The following MGAT4C variants were observed in gnomAD, a reference collection of about 807,000 sequenced individuals.
MGAT4C encodes MGAT4 family member C, also known as alpha-1,3-mannosyl-glycoprotein 4-beta-N-acetylglucosaminyltransferase C.
A neutral mutation model predicts 40.1 loss-of-function variants in MGAT4C; 19 were observed. That is an observed-to-expected ratio of 0.47 (90% confidence interval 0.33 to 0.70). MGAT4C has a LOEUF of 0.70. Ranked by LOEUF, MGAT4C falls within the 30% of genes least tolerant of loss-of-function variation. The probability of loss-of-function intolerance (pLI) is 0.02; values close to 1 mark genes in which losing one functional copy is unlikely to be tolerated. For synonymous variants in MGAT4C, 181 were observed against 187.1 expected (o/e 0.97, Z 0.27); for missense variants, 491 against 563.2 (o/e 0.87, Z 1.30).
At chr12:86,243,207 T>C (rs1951860418) in intron 1 of MGAT4C, among the ~76,000 whole-genome samples, 1 of 152,210 alleles carries the variant, frequency 6.6e-6, no homozygotes, top group Non-Finnish European at 1.5e-5. Flanking sequence ...TCAATTTTTC[T>C]TGGTTACTGA....
intron 2 of MGAT4C, among the ~76,000 whole-genome samples, chr12:86,668,671 G>A (rs1335933455): frequency 6.6e-6 from 1 of 152,186 alleles, no homozygotes; most frequent in Non-Finnish European, 1.5e-5. Context: ...AGCAGGATAG[G>A]GGCCTCCACA....
chr12:86,760,990 G>A (rs954512983), intron 1 of MGAT4C, among the ~76,000 whole-genome samples: 4 of 152,116 alleles, frequency 2.6e-5, no homozygotes, highest in Non-Finnish European at 5.9e-5. Context: ...GAGGTGATGG[G>A]TATGTTCACT....
intron 4 of MGAT4C, among the ~76,000 whole-genome samples, chr12:86,263,487 G>A (rs1436325456): frequency 6.6e-6 from 1 of 152,112 alleles, no homozygotes; most frequent in Non-Finnish European, 1.5e-5. Flanking sequence ...TTTTGTCCAT[G>A]TTGCTGCAAA....
intron 2 of MGAT4C, among the ~76,000 whole-genome samples, chr12:86,542,711 A>C (rs375555557): frequency 6.6e-6 from 1 of 152,210 alleles, no homozygotes; most frequent in East Asian, 1.9e-4. Context: ...TTAATGGATT[A>C]ATGACAAAGT....
chr12:86,686,463 GC>G (rs1950073703), intron 2 of MGAT4C, among the ~76,000 whole-genome samples: 1 of 152,098 alleles, frequency 6.6e-6, no homozygotes. Context: ...TATGATATTT[GC>G]TCTGGGTTTG....
At chr12:86,414,064 GC>G (rs1305997496) in intron 3 of MGAT4C, among the ~76,000 whole-genome samples, 2 of 151,902 alleles carry the variant, frequency 1.3e-5, no homozygotes, top group Non-Finnish European at 2.9e-5. Flanking sequence ...AATGCTTACA[GC>G]AAGTTTTTTT....
intron 2 of MGAT4C, among the ~76,000 whole-genome samples, chr12:86,638,278 T>C (rs891858215): frequency 6.6e-6 from 1 of 151,898 alleles, no homozygotes; most frequent in Non-Finnish European, 1.5e-5. Context: ...AGGAGCTTTG[T>C]TGAGCAGGCA....
At chr12:86,026,726 GTGTT>G (rs1481390897) in intron 2 of MGAT4C, among the ~76,000 whole-genome samples, 1 of 151,878 alleles carries the variant, frequency 6.6e-6, no homozygotes, top group Non-Finnish European at 1.5e-5. Flanking sequence ...AAGTAGTTCA[GTGTT>G]TATTTTCTGC....
At chr12:86,163,574 A>G (rs539320556) in intron 1 of MGAT4C, among the ~76,000 whole-genome samples, 1 of 152,326 alleles carries the variant, frequency 6.6e-6, no homozygotes, top group African/African-American at 2.4e-5. Context: ...TGACTAGAAC[A>G]TAACAGATTT....
At chr12:86,555,840 C>T (rs935535324) in intron 2 of MGAT4C, among the ~76,000 whole-genome samples, 5 of 152,138 alleles carry the variant, frequency 3.3e-5, no homozygotes, top group Admixed American at 6.5e-5. Flanking sequence ...ATGATGGCCC[C>T]CTGGACCTGC....
intron 1 of MGAT4C, among the ~76,000 whole-genome samples, chr12:86,228,286 A>T (rs967317380): frequency 6.6e-6 from 1 of 152,020 alleles, no homozygotes; most frequent in Non-Finnish European, 1.5e-5. Flanking sequence ...AAAGGGAATC[A>T]GTATTCCTCA....
chr12:86,269,762 A>G (rs375386886), intron 4 of MGAT4C, among the ~76,000 whole-genome samples: 1 of 152,124 alleles, frequency 6.6e-6, no homozygotes, highest in Non-Finnish European at 1.5e-5. Context: ...AGACTATATT[A>G]ATGGAGGAAA....
chr12:86,587,056 G>A (rs1361907122), intron 2 of MGAT4C, among the ~76,000 whole-genome samples: 2 of 152,008 alleles, frequency 1.3e-5, no homozygotes, highest in Admixed American at 6.6e-5. Context: ...GTATTGCCTA[G>A]GTTTTCTTTT....
intron 2 of MGAT4C, among the ~76,000 whole-genome samples, chr12:86,701,868 T>A (rs1238973687): frequency 2.0e-5 from 3 of 152,054 alleles, no homozygotes; most frequent in African/African-American, 4.8e-5. Context: ...ATGAAGAAAG[T>A]TTTAGTGGTC....
At chr12:86,768,188 T>A (rs1361006281) in intron 1 of MGAT4C, among the ~76,000 whole-genome samples, 1 of 152,138 alleles carries the variant, frequency 6.6e-6, no homozygotes, top group Non-Finnish European at 1.5e-5. Flanking sequence ...ACAAAATCAA[T>A]GTACAAAAAT....
At chr12:86,587,701 T>C (rs1961118122) in intron 2 of MGAT4C, among the ~76,000 whole-genome samples, 3 of 151,916 alleles carry the variant, frequency 2.0e-5, no homozygotes, top group South Asian at 4.2e-4. Flanking sequence ...TTTTATTCTC[T>C]TTGAAGCAAT....
chr12:86,359,776 C>G (rs1452990718), intron 3 of MGAT4C, among the ~76,000 whole-genome samples: 1 of 152,102 alleles, frequency 6.6e-6, no homozygotes. Flanking sequence ...CAAGACTAAA[C>G]CAGGAAGAAG....
intron 2 of MGAT4C, among the ~76,000 whole-genome samples, chr12:86,597,780 C>T (rs115738896): frequency 0.012 from 1,766 of 152,212 alleles, 11 homozygotes; most frequent in Non-Finnish European, 0.014. Context: ...AATTTCCCAG[C>T]CCCCTTCCAT....
chr12:86,161,870 A>G (rs1381721475), intron 1 of MGAT4C, among the ~76,000 whole-genome samples: 1 of 152,104 alleles, frequency 6.6e-6, no homozygotes, highest in African/African-American at 2.4e-5. Flanking sequence ...AAGAAGACAT[A>G]CAAGCTGCCA....
Sources: allele counts gnomAD v4.1 joint callset (sites outside exome capture counted in the v4.1 genomes callset), GRCh38; gene constraint gnomAD v4.1.1; transcripts MANE v1.5; gene names NCBI Gene and HGNC (gene_info 2026-07-23, HGNC 2026-07-21).